Variants in MCM9 observed in about 807,000 individuals in gnomAD.
The protein encoded by MCM9 is minichromosome maintenance 9 homologous recombination repair factor.
A neutral mutation model predicts 72.8 loss-of-function variants in MCM9; 55 were observed. That is an observed-to-expected ratio of 0.76 (90% CI 0.61 to 0.95). The LOEUF (loss-of-function observed/expected upper bound fraction) is 0.95, where lower values mean the gene tolerates loss of function less well. MCM9 is among the 40% of genes least tolerant of loss of function. The pLI is 0.00. For missense variants in MCM9, 1,279 were observed against 1,377.0 expected (o/e 0.93, Z 1.13); for synonymous variants, 480 against 503.4 (o/e 0.95, Z 0.62).
intron 8 of MCM9, chr6:118,894,359 A>T (rs1005136589): frequency 6.5e-7 from 1 of 1,533,150 alleles, no homozygotes; most frequent in Non-Finnish European, 8.7e-7. Context: ...CGCGCGCTGG[A>T]CTTTATTGTG....
intron 8 of MCM9, among the ~76,000 whole-genome samples, chr6:118,864,515 A>T (rs898695885): frequency 6.6e-6 from 1 of 152,080 alleles, no homozygotes; most frequent in South Asian, 2.1e-4. Context: ...GTTCCCTCCG[A>T]GAGAAAGTCA....
chr6:118,929,826 A>G (rs9401099), intron 3 of MCM9, among the ~76,000 whole-genome samples: 86,801 of 151,934 alleles, frequency 0.57, 25,313 homozygotes, highest in East Asian at 0.69. Flanking sequence ...AAAAAGGCTG[A>G]TGGGGGGGAC....
intron 9 of MCM9, among the ~76,000 whole-genome samples, chr6:118,839,345 T>C (rs1190212661): frequency 1.3e-5 from 2 of 152,108 alleles, no homozygotes; most frequent in African/African-American, 4.8e-5. Flanking sequence ...TCAAGGTTCT[T>C]ATCTTCCTTG....
intron 8 of MCM9, among the ~76,000 whole-genome samples, chr6:118,871,749 T>C (rs1777611710): frequency 6.6e-6 from 1 of 151,136 alleles, no homozygotes; most frequent in South Asian, 2.1e-4. Flanking sequence ...ACCCCGTCTC[T>C]ACAAAAAATT....
intron 8 of MCM9, among the ~76,000 whole-genome samples, chr6:118,858,883 AC>A (rs898223886): frequency 6.6e-6 from 1 of 152,218 alleles, no homozygotes; most frequent in African/African-American, 2.4e-5. Flanking sequence ...AAATGCAATT[AC>A]AAGCAAAATC....
intron 9 of MCM9, among the ~76,000 whole-genome samples, chr6:118,839,358 C>G (rs1475157183): frequency 6.6e-6 from 1 of 152,056 alleles, no homozygotes; most frequent in Non-Finnish European, 1.5e-5. Context: ...CTTCCTTGCA[C>G]TGGGTTAGAA....
At position 118,815,068 on chromosome 6, in the gene MCM9, A is replaced by G. The variant is rs547877164; in HGVS notation, c.3188T>C (p.Phe1063Ser). The G allele has an allele frequency of 2.6e-5, 41 of 1,550,662 alleles. No individual in the cohort carries two copies. In the South Asian group the frequency reaches 4.4e-4, roughly 17 times the overall value. The change falls in exon 14 of 14, where the codon TTT becomes TCT. Residue 1063 changes from phenylalanine to serine, a missense_variant. Coordinates refer to ENST00000619706, the MANE Select transcript of MCM9 (RefSeq NM_017696.3). ...TGATTTGGATTCCGATGGGGGAGTAAAGCAGAAGTTTGCCAATCTGGCTAA... is the reference window on the plus strand; with the variant it reads ...TGATTTGGATTCCGATGGGGGAGTAGAGCAGAAGTTTGCCAATCTGGCTAA... ...CTLARLANFCFTPPSESKSKS... is the reference protein window; with the variant it reads ...CTLARLANFCSTPPSESKSKS...
intron 9 of MCM9, among the ~76,000 whole-genome samples, chr6:118,834,602 T>C (rs956795688): frequency 1.3e-5 from 2 of 152,344 alleles, no homozygotes; most frequent in African/African-American, 4.8e-5. Flanking sequence ...ACTTCTCTAA[T>C]GACTACTGAT....
chr6:118,918,068 C>G (rs1395105075), intron 5 of MCM9: 1 of 358,564 alleles, frequency 2.8e-6, no homozygotes, highest in East Asian at 5.8e-5. Context: ...ATGATTCATT[C>G]ATCACAGTTA....
Position 118,913,340 on chromosome 6 carries a change from C to A in MCM9, c.985G>T (p.Ala329Ser). The stretch of plus-strand genomic sequence containing the variant: ...GCATCAGTCCTTTGAATCCCACCAG[C>A]CAGCACCATGGCCACAGCAAGCTTT... The part of the protein sequence containing the change: ...LVKLAVAMVL[A>S]GGIQRTDATG... Residue 329 changes from alanine to serine, a missense_variant, in exon 7 of 14, where the codon GCT becomes TCT. Transcript: ENST00000619706. The A allele has an allele frequency of 6.2e-7, 1 of 1,614,118 alleles. No homozygotes were observed. The highest frequency in any genetic ancestry group is 8.5e-7 in the Non-Finnish European group (1 of 1,180,008).
rs186041719 is a variant in MCM9 at position 118,852,005 on chromosome 6, G to A, written c.1325+4366C>T. Among the ~76,000 whole-genome samples, 6 of 152,276 alleles carry A rather than the reference G, an allele frequency of 3.9e-5. No homozygotes were observed. In the East Asian group the frequency reaches 1.2e-3, roughly 29 times the overall value. ...GCATCATAAGGCGATCTGTTCTGTTGCAAGCATCATAGAGTGTACTTAGAC... is the reference window on the plus strand; with the variant it reads ...GCATCATAAGGCGATCTGTTCTGTTACAAGCATCATAGAGTGTACTTAGAC... On this transcript the variant is annotated intron_variant, in intron 9 of 13. Coordinates refer to ENST00000619706, the MANE Select transcript of MCM9 (RefSeq NM_017696.3).
In MCM9 at chr6:118,843,672, A is replaced by ATATACG. The variant is rs1321655061; in HGVS notation, c.1325+12698_1325+12699insCGTATA. On this transcript the variant is annotated intron_variant, in intron 9 of 13. Coordinates refer to ENST00000619706, the MANE Select transcript of MCM9 (RefSeq NM_017696.3). ...TATATATATGTGTATATATATATGT[A>ATATACG]TGTATATATATATGTGTATATATAT... 0.01 allele frequency among the ~76,000 whole-genome samples: 408 copies of ATATACG among 40,622 alleles called. 17 individuals carry two copies. In the East Asian group the frequency reaches 0.13, roughly 13 times the overall value. The allele number at this position is 40,622 out of a possible 152,430, so 26.6% of individuals were successfully genotyped here. A position where few individuals can be genotyped will look rare whatever the true frequency, so the allele number is the denominator to read the frequency against.
At chr6:118,926,101 C>A (rs1781871105) in intron 3 of MCM9, among the ~76,000 whole-genome samples, 1 of 152,152 alleles carries the variant, frequency 6.6e-6, no homozygotes, top group African/African-American at 2.4e-5. Context: ...TCTTCCATAA[C>A]CCTAGCTGCT....
intron 3 of MCM9, among the ~76,000 whole-genome samples, chr6:118,928,922 T>C (rs1463220272): frequency 6.6e-6 from 1 of 151,506 alleles, no homozygotes; most frequent in Non-Finnish European, 1.5e-5. Context: ...GCAAGCGCTA[T>C]TTAAACATTA....
At chr6:118,919,987 T>C (rs545361173) in intron 5 of MCM9, 5 of 152,334 alleles carry the variant, frequency 3.3e-5, no homozygotes, top group African/African-American at 1.2e-4. Context: ...CATGAAAAAA[T>C]AGCTGTTGAT....
At chr6:118,930,150 G>A (rs980927841) in intron 3 of MCM9, among the ~76,000 whole-genome samples, 1 of 151,570 alleles carries the variant, frequency 6.6e-6, no homozygotes, top group Non-Finnish European at 1.5e-5. Context: ...TCGCTCTGTT[G>A]CCCAGGCTGG....
At chr6:118,896,470 A>G (rs1779424097) in intron 8 of MCM9, among the ~76,000 whole-genome samples, 1 of 152,150 alleles carries the variant, frequency 6.6e-6, no homozygotes, top group African/African-American at 2.4e-5. Flanking sequence ...GGGCTTTTAC[A>G]TTGCATAGAT....
intron 9 of MCM9, among the ~76,000 whole-genome samples, chr6:118,843,658 G>GTATATATATATGTGTGTA (rs1775597639): frequency 3.7e-3 from 80 of 21,576 alleles, no homozygotes; most frequent in Non-Finnish European, 6.3e-3. Flanking sequence ...ATATATATGT[G>GTATATATATATGTGTGTA]TATATATATA....
Position 118,815,570 on chromosome 6 carries a change from GTC to G in MCM9, c.2684_2685del (p.Arg895ThrfsTer13). 2 of 1,550,368 alleles carry G rather than the reference GTC, an allele frequency of 1.3e-6. No homozygotes were observed. The highest frequency in any genetic ancestry group is 1.7e-6 in the Non-Finnish European group (2 of 1,146,948). On this transcript the variant is annotated frameshift_variant, in exon 14 of 14. Coordinates refer to ENST00000619706, the MANE Select transcript of MCM9 (RefSeq NM_017696.3). LOFTEE classifies it low-confidence loss of function (END_TRUNC). ...DRMLDSPKRKRPKSLAQVEEP... is the reference protein window; with the variant it reads ...DRMLDSPKRKXPKSLAQVEEP... ...TCTTCCACTTGCGCAAGGGATTTCG[GTC>G]TCTTTCTTTTGGGTGAGTCCAGCAT...
Sources: gnomAD v4.1 joint callset for allele counts (sites outside exome capture counted in the v4.1 genomes callset) on GRCh38, gnomAD v4.1.1 for gene constraint, MANE v1.5 for transcripts, NCBI Gene and HGNC (gene_info 2026-07-23, HGNC 2026-07-21) for gene names.